The following PLOD1 variants were observed in gnomAD, a reference collection of about 807,000 sequenced individuals.
PLOD1 encodes lysine hydroxylase.
PLOD1 carries 70 observed loss-of-function variants against 94.7 expected under a neutral mutation model. The ratio of observed to expected loss-of-function variants is 0.74; its 90% confidence interval spans 0.61 to 0.90. PLOD1 has a LOEUF of 0.90. PLOD1 is among the 40% of genes least tolerant of loss of function. PLOD1 has a pLI of 0.00. For synonymous variants in PLOD1, 417 were observed against 400.2 expected (o/e 1.04, Z -0.50); for missense variants, 905 against 972.7 (o/e 0.93, Z 0.93).
Position 11,958,778 on chromosome 1 carries a change from C to A in PLOD1, c.975+131C>A. The A allele has an allele frequency of 2.9e-6, 3 of 1,041,848 alleles. No homozygotes were observed. The highest frequency in any genetic ancestry group is 4.3e-6 in the Non-Finnish European group (3 of 691,406). The allele number at this position is 1,041,848 out of a possible 1,614,324, so 64.5% of individuals were successfully genotyped here. A position where few individuals can be genotyped will look rare whatever the true frequency, so the allele number is the denominator to read the frequency against. On this transcript the variant is annotated intron_variant, in intron 9 of 18. Coordinates refer to ENST00000196061, the MANE Select transcript of PLOD1 (RefSeq NM_000302.4). This position sits in a 1 kb window ranked among gnomAD's most constrained non-coding sequence, Gnocchi z 4.3. Reference sequence around the variant, plus strand: ...GGGCCAAATGACAATCACCAGTGGACTGTGTCCCCAAATCACTGAGTTAAC... The same window carrying A: ...GGGCCAAATGACAATCACCAGTGGAATGTGTCCCCAAATCACTGAGTTAAC...
chr1:11,941,336 C>G (rs1438708600), intron 1 of PLOD1, among the ~76,000 whole-genome samples: 4 of 151,346 alleles, frequency 2.6e-5, no homozygotes, highest in African/African-American at 9.7e-5. Context: ...TTCCATGTTG[C>G]TGCTTTTTTT....
Position 11,958,413 on chromosome 1 carries a change from A to G in PLOD1, c.844-103A>G, listed in dbSNP as rs903476476. 4.4e-6 allele frequency: 6 copies of G among 1,348,402 alleles called. No homozygotes were observed. Among genetic ancestry groups the G allele is most frequent in the South Asian group, 2.4e-5 (2 of 81,650 alleles). 83.5% of individuals were successfully genotyped at this position (1,348,402 alleles called of 1,614,324 possible). ...CGGGCACCTTTCTTGGGAAGTCTACATGCTTCTGATTCTGGCTCTGACTCC... is the reference window on the plus strand; with the variant it reads ...CGGGCACCTTTCTTGGGAAGTCTACGTGCTTCTGATTCTGGCTCTGACTCC... On this transcript the variant is annotated intron_variant, in intron 8 of 18. Transcript: ENST00000196061. The surrounding 1 kb of genome is among the most constrained non-coding windows in gnomAD (Gnocchi z 4.3).
chr1:11,937,788 A>G (rs1358922472), intron 1 of PLOD1, among the ~76,000 whole-genome samples: 4 of 152,112 alleles, frequency 2.6e-5, no homozygotes, highest in Non-Finnish European at 5.9e-5. Context: ...CAGGTAGAGC[A>G]CCTGGTAGGT....
Position 11,957,974 on chromosome 1 carries a change from G to A in PLOD1, c.843+31G>A. The stretch of plus-strand genomic sequence containing the variant: ...GCTGCGCCCAGGCCTGTGCCTGAGG[G>A]ACACGGGGGGCTCAGTCCCCTGAGA... On this transcript the variant is annotated intron_variant, in intron 8 of 18. Transcript: ENST00000196061. This position sits in a 1 kb window ranked among gnomAD's most constrained non-coding sequence, Gnocchi z 4.1. 7.3e-7 allele frequency: 1 copy of A among 1,374,326 alleles called. No individual in the cohort carries two copies. Among genetic ancestry groups the A allele is most frequent in the Non-Finnish European group, 1.0e-6 (1 of 961,010 alleles). The allele number at this position is 1,374,326 out of a possible 1,614,324, so 85.1% of individuals were successfully genotyped here.
rs2100746537 is a variant in PLOD1 at position 11,952,710 on chromosome 1, A to G, written c.554A>G (p.Lys185Arg). ...DSDSDQLFYTKIFLDPEKREQ... is the reference protein window; with the variant it reads ...DSDSDQLFYTRIFLDPEKREQ... ...GACAGCGATCAGCTGTTTTACACCAAGATCTTCTTGGACCCGGAGAAGAGG... is the reference window on the plus strand; with the variant it reads ...GACAGCGATCAGCTGTTTTACACCAGGATCTTCTTGGACCCGGAGAAGAGG... The change falls in exon 5 of 19, where the codon AAG becomes AGG. Residue 185 changes from lysine (K) to arginine (R), a missense_variant. Physicochemically the swap from Lys to Arg is conservative, Grantham distance 26. Coordinates refer to ENST00000196061, the MANE Select transcript of PLOD1 (RefSeq NM_000302.4). 1 of 1,613,780 alleles carries G rather than the reference A, an allele frequency of 6.2e-7. No homozygotes were observed. Among genetic ancestry groups the G allele is most frequent in the Non-Finnish European group, 8.5e-7 (1 of 1,179,688 alleles).
Position 11,972,802 on chromosome 1 carries a change from A to T in PLOD1, c.1903-70A>T. 1 of 1,580,572 alleles carries T rather than the reference A, an allele frequency of 6.3e-7. No homozygotes were observed. The highest frequency in any genetic ancestry group is 8.7e-7 in the Non-Finnish European group (1 of 1,150,416). On this transcript the variant is annotated intron_variant, in intron 17 of 18. Transcript: ENST00000196061. The surrounding 1 kb of genome is among the most constrained non-coding windows in gnomAD (Gnocchi z 4.6). ...AGGCCAGACCAGGCCCCATGTGTGC[A>T]CCCTCCTCTCCTGGCCTTTGTGTCC... is the stretch of plus-strand genomic sequence containing the variant.
chr1:11,943,594 G>A (rs1300587507), intron 1 of PLOD1, among the ~76,000 whole-genome samples: 2 of 152,178 alleles, frequency 1.3e-5, no homozygotes, highest in Non-Finnish European at 2.9e-5. Context: ...ACCACGCCTG[G>A]CCACGGAACC....
intron 12 of PLOD1, 131 bp from the exon 13 acceptor site, chr1:11,964,513 C>G: frequency 1.1e-6 from 1 of 952,362 alleles, no homozygotes; most frequent in Middle Eastern, 2.7e-4. Context: ...CACAATTGTG[C>G]CCCCCTAGCC....
intron 5 of PLOD1, 108 bp downstream of exon 5, chr1:11,952,843 ATGCAGGC>A: frequency 1.3e-6 from 1 of 754,470 alleles, no homozygotes; most frequent in African/African-American, 1.7e-5. Flanking sequence ...GTCTTAGTCT[ATGCAGGC>A]TGCTCTGACA....
chr1:11,960,515 G>A, intron 9 of PLOD1, 131 bp from the exon 10 acceptor site: 2 of 736,822 alleles, frequency 2.7e-6, no homozygotes, highest in East Asian at 2.6e-5. Flanking sequence ...TCTGGAGACA[G>A]GAAAGCAGAT....
At chr1:11,973,143 G>A in intron 18 of PLOD1, 146 bp downstream of exon 18, 1 of 818,226 alleles carries the variant, frequency 1.2e-6, no homozygotes, top group Non-Finnish European at 2.0e-6. Flanking sequence ...GTCTGTGGGA[G>A]GGCTTCCTGG....
chr1:11,970,648 C>G (rs931484536), intron 16 of PLOD1, 22 bp from the exon 17 acceptor site: 1 of 1,612,230 alleles, frequency 6.2e-7, no homozygotes, highest in South Asian at 1.1e-5. Context: ...TCTGCCTAAA[C>G]ATTCACCTCG....
At chr1:11,943,094 C>A (rs1418017524) in intron 1 of PLOD1, among the ~76,000 whole-genome samples, 1 of 152,124 alleles carries the variant, frequency 6.6e-6, no homozygotes, top group Non-Finnish European at 1.5e-5. Context: ...TCAAGCAGTT[C>A]TCTGCCTCCA....
chr1:11,963,579 A>T lies in PLOD1; in HGVS notation c.1145A>T (p.Asp382Val), dbSNP rs998178222. The change falls in exon 11 of 19, where the codon GAT becomes GTT. Residue 382 changes from aspartate to valine, a missense_variant. Coordinates refer to ENST00000196061, the MANE Select transcript of PLOD1 (RefSeq NM_000302.4). The surrounding 1 kb of genome is among the most constrained non-coding windows in gnomAD (Gnocchi z 4.3). Reference protein sequence around the residue: ...DRSCTYYFSVDADVALTEPNS... With the variant: ...DRSCTYYFSVVADVALTEPNS... ...AGCTGCACCTACTACTTCAGCGTGG[A>T]TGCTGACGTGGCCCTGACCGAGCCC... The T allele has an allele frequency of 6.2e-7, 1 of 1,605,324 alleles. No homozygotes were observed.
intron 16 of PLOD1, among the ~76,000 whole-genome samples, chr1:11,969,051 G>A (rs1344753213): frequency 3.5e-5 from 5 of 142,532 alleles, no homozygotes; most frequent in Admixed American, 7.0e-5. Flanking sequence ...TTGAGACGGA[G>A]TTTTGCTCGT....
intron 5 of PLOD1, 96 bp from the exon 6 acceptor site, chr1:11,954,734 T>C: frequency 1.0e-6 from 1 of 964,350 alleles, no homozygotes; most frequent in Non-Finnish European, 1.7e-6. Flanking sequence ...GAATGAGGGC[T>C]GAACTTGGGG....
chr1:11,967,025 G>C lies in PLOD1; in HGVS notation c.1689G>C (p.Glu563Asp), dbSNP rs139230801. 6.2e-7 allele frequency: 1 copy of C among 1,614,032 alleles called. No individual in the cohort carries two copies. Among genetic ancestry groups the C allele is most frequent in the African/African-American group, 1.3e-5 (1 of 75,068 alleles). Residue 563 changes from glutamate (E) to aspartate (D), a missense_variant, in exon 16 of 19, where the codon GAG (glutamate) becomes GAC (aspartate). By Grantham distance (45) the Glu-to-Asp change is conservative. Transcript: ENST00000196061. Reference protein sequence around the residue: ...PDVYWFPIFTEVACDELVEEM... With the variant: ...PDVYWFPIFTDVACDELVEEM... ...TCTATTGGTTCCCCATCTTCACGGA[G>C]GTGGCCTGTGATGAGCTGGTGGAGG...
chr1:11,962,445 T>G (rs947437791), intron 10 of PLOD1, among the ~76,000 whole-genome samples: 1 of 151,626 alleles, frequency 6.6e-6, no homozygotes, highest in Admixed American at 6.6e-5. Flanking sequence ...CCCGGCTAAT[T>G]TTTTGTATTT....
chr1:11,940,813 T>G (rs1645610127), intron 1 of PLOD1, among the ~76,000 whole-genome samples: 2 of 152,294 alleles, frequency 1.3e-5, no homozygotes, highest in South Asian at 4.1e-4. Flanking sequence ...CATCCATGCC[T>G]TAAGGGTTTC....
Sources: allele counts gnomAD v4.1 joint callset (sites outside exome capture counted in the v4.1 genomes callset), GRCh38; gene constraint gnomAD v4.1.1; non-coding constraint Gnocchi (gnomAD v3.1); transcripts MANE v1.5; gene names NCBI Gene and HGNC (gene_info 2026-07-23, HGNC 2026-07-21).